Variants in SUPT3H observed in about 807,000 individuals in gnomAD.
SUPT3H encodes transcription initiation protein SPT3 homolog.
A neutral mutation model predicts 44.3 loss-of-function variants in SUPT3H; 44 were observed. The observed-to-expected ratio is 0.99, with a 90% CI of 0.78 to 1.28. SUPT3H has a LOEUF of 1.28. Among genes scored for constraint, SUPT3H ranks in the 50% most tolerant of loss-of-function variants. SUPT3H has a pLI of 0.00. For synonymous variants in SUPT3H, 124 were observed against 125.6 expected (o/e 0.99, Z 0.09); for missense variants, 380 against 387.1 (o/e 0.98, Z 0.15).
intron 2 of SUPT3H, among the ~76,000 whole-genome samples, chr6:45,361,968 T>C (rs1794338603): frequency 6.6e-6 from 1 of 152,116 alleles, no homozygotes; most frequent in South Asian, 2.1e-4. Context: ...GGAAAATCAC[T>C]TGAGGCCGGG....
intron 2 of SUPT3H, among the ~76,000 whole-genome samples, chr6:45,117,838 G>C (rs1562492723): frequency 6.6e-6 from 1 of 152,014 alleles, no homozygotes; most frequent in Non-Finnish European, 1.5e-5. Context: ...GCTTGAATCA[G>C]GAAGTATATA....
At chr6:45,278,740 A>C (rs777527323) in intron 2 of SUPT3H, among the ~76,000 whole-genome samples, 1 of 152,256 alleles carries the variant, frequency 6.6e-6, no homozygotes, top group Admixed American at 6.5e-5. Context: ...GAAGAGTACA[A>C]TAAGAAGTCT....
intron 3 of SUPT3H, among the ~76,000 whole-genome samples, chr6:45,070,923 C>T (rs1039206048): frequency 2.0e-5 from 3 of 151,840 alleles, no homozygotes; most frequent in East Asian, 1.9e-4. Flanking sequence ...AACAAACATC[C>T]GAGCCGCAAA....
At chr6:44,810,527 G>C (rs144199857) in intron 11 of SUPT3H, among the ~76,000 whole-genome samples, 1 of 151,736 alleles carries the variant, frequency 6.6e-6, no homozygotes, top group Non-Finnish European at 1.5e-5. Flanking sequence ...TAAAGAGGGA[G>C]TGTGACTCAG....
At chr6:45,149,099 C>T (rs1806528705) in intron 2 of SUPT3H, among the ~76,000 whole-genome samples, 1 of 152,142 alleles carries the variant, frequency 6.6e-6, no homozygotes, top group Non-Finnish European at 1.5e-5. Flanking sequence ...TATTAATATA[C>T]AGTAGTTGTA....
intron 10 of SUPT3H, among the ~76,000 whole-genome samples, chr6:44,854,737 A>T (rs1039972670): frequency 2.0e-5 from 3 of 152,164 alleles, no homozygotes; most frequent in Non-Finnish European, 4.4e-5. Flanking sequence ...AAATGTATCT[A>T]AAATGTGATT....
At chr6:45,123,951 T>A (rs928550220) in intron 2 of SUPT3H, among the ~76,000 whole-genome samples, 1 of 152,132 alleles carries the variant, frequency 6.6e-6, no homozygotes, top group Non-Finnish European at 1.5e-5. Flanking sequence ...CATTTAAAAA[T>A]GTAAAAAATA....
At chr6:44,844,659 T>C (rs1771571686) in intron 10 of SUPT3H, among the ~76,000 whole-genome samples, 1 of 152,128 alleles carries the variant, frequency 6.6e-6, no homozygotes, top group African/African-American at 2.4e-5. Context: ...TATATACAAT[T>C]TGCATTTGTA....
chr6:45,015,366 T>G (rs1248025267), intron 4 of SUPT3H, among the ~76,000 whole-genome samples: 1 of 152,094 alleles, frequency 6.6e-6, no homozygotes, highest in South Asian at 2.1e-4. Context: ...TAAAATACCA[T>G]GTAAATGACA....
chr6:45,304,761 T>TA (rs1782723784), intron 2 of SUPT3H, among the ~76,000 whole-genome samples: 1 of 152,102 alleles, frequency 6.6e-6, no homozygotes. Flanking sequence ...ATTTAATGGG[T>TA]AAGAATGCCA....
chr6:44,895,382 C>G (rs1198224506), intron 10 of SUPT3H, among the ~76,000 whole-genome samples: 1 of 151,586 alleles, frequency 6.6e-6, no homozygotes, highest in African/African-American at 2.4e-5. Flanking sequence ...CAGTACCATA[C>G]CTGGCTCAAC....
intron 2 of SUPT3H, among the ~76,000 whole-genome samples, chr6:45,107,346 G>A (rs1323647199): frequency 1.3e-5 from 2 of 152,134 alleles, no homozygotes; most frequent in African/African-American, 4.8e-5. Context: ...TCAAGGTATA[G>A]AAAAGAATGT....
At chr6:44,930,800 T>C (rs1013333409) in intron 10 of SUPT3H, among the ~76,000 whole-genome samples, 3 of 152,184 alleles carry the variant, frequency 2.0e-5, no homozygotes. Context: ...ATTTTCTAGA[T>C]GTATTTAAAT....
At chr6:45,176,293 C>G (rs575672309) in intron 2 of SUPT3H, among the ~76,000 whole-genome samples, 1 of 151,584 alleles carries the variant, frequency 6.6e-6, no homozygotes, top group South Asian at 2.1e-4. Context: ...CTTCCCTTTC[C>G]GAGTCAAAGA....
intron 3 of SUPT3H, among the ~76,000 whole-genome samples, chr6:45,027,772 C>T (rs1165617447): frequency 6.6e-6 from 1 of 152,098 alleles, no homozygotes; most frequent in Non-Finnish European, 1.5e-5. Context: ...GTGTTTATGT[C>T]ATCCTTCTAT....
intron 2 of SUPT3H, among the ~76,000 whole-genome samples, chr6:45,177,127 C>A (rs1015661786): frequency 6.6e-6 from 1 of 152,020 alleles, no homozygotes; most frequent in Non-Finnish European, 1.5e-5. Flanking sequence ...CTCTGAGCTA[C>A]GGGCGGACAT....
At chr6:45,000,308 C>T (rs1303964573) in intron 6 of SUPT3H, among the ~76,000 whole-genome samples, 1 of 151,982 alleles carries the variant, frequency 6.6e-6, no homozygotes, top group Non-Finnish European at 1.5e-5. Flanking sequence ...TATTTTTGGA[C>T]TGTTAGCTTT....
chr6:44,906,265 ATAG>A (rs1264025397), intron 10 of SUPT3H, among the ~76,000 whole-genome samples: 4 of 152,196 alleles, frequency 2.6e-5, no homozygotes, highest in Admixed American at 6.5e-5. Flanking sequence ...AAGAGATTAG[ATAG>A]TAGTATTTAA....
intron 2 of SUPT3H, among the ~76,000 whole-genome samples, chr6:45,231,063 T>C (rs891723314): frequency 6.6e-6 from 1 of 152,164 alleles, no homozygotes; most frequent in Non-Finnish European, 1.5e-5. Context: ...TGTTGTTTAG[T>C]TGTTTTGAAT....
Sources: allele counts gnomAD v4.1 joint callset (sites outside exome capture counted in the v4.1 genomes callset), GRCh38; gene constraint gnomAD v4.1.1; transcripts MANE v1.5; gene names NCBI Gene and HGNC (gene_info 2026-07-23, HGNC 2026-07-21).